TNRC6A: variants seen among roughly 807,000 people sequenced by gnomAD.
TNRC6A encodes trinucleotide repeat-containing gene 6A protein.
TNRC6A carries 44 observed loss-of-function variants against 221.2 expected under a neutral mutation model. The ratio of observed to expected loss-of-function variants is 0.20; its 90% confidence interval spans 0.16 to 0.26. TNRC6A has a LOEUF of 0.26. TNRC6A is among the 10% of genes least tolerant of loss of function. TNRC6A has a pLI of 1.00. For synonymous variants in TNRC6A, 847 were observed against 838.5 expected, an observed-to-expected ratio of 1.01 and a Z score of -0.18; for missense variants, 2,199 against 2,404.4, an observed-to-expected ratio of 0.91 and a Z score of 1.79.
chr16:24,820,262 C>G lies in TNRC6A; in HGVS notation c.5204C>G (p.Pro1735Arg). 6.2e-7 allele frequency: 1 copy of G among 1,614,132 alleles called. No homozygotes were observed. Among genetic ancestry groups the G allele is most frequent in the Non-Finnish European group, 8.5e-7 (1 of 1,180,036 alleles). The change falls in exon 22 of 25, where the codon CCG (proline) becomes CGG (arginine). Residue 1735 changes from proline (P) to arginine (R), a missense_variant. Coordinates refer to ENST00000395799, the MANE Select transcript of TNRC6A (RefSeq NM_014494.4). ...KNITAPSRPPPGLTGQKPPLS... is the reference protein window; with the variant it reads ...KNITAPSRPPRGLTGQKPPLS... Reference sequence around the variant, plus strand: ...ATCACTGCTCCGTCCCGCCCACCTCCGGGACTGACTGGTCAGAAGCCACCC... The same window carrying G: ...ATCACTGCTCCGTCCCGCCCACCTCGGGGACTGACTGGTCAGAAGCCACCC...
chr16:24,820,870 A>G (rs2058753158), intron 22 of TNRC6A, among the ~76,000 whole-genome samples: 2 of 152,134 alleles, frequency 1.3e-5, no homozygotes, highest in Admixed American at 1.3e-4. Flanking sequence ...TACTGGCATC[A>G]TTTCCTGCCT....
At chr16:24,614,258 G>A (rs1168370651) in intron 1 of TNRC6A, among the ~76,000 whole-genome samples, 2 of 152,218 alleles carry the variant, frequency 1.3e-5, no homozygotes, top group East Asian at 1.9e-4. Flanking sequence ...TCAAGCATTT[G>A]CTTGCATCGT....
intron 2 of TNRC6A, among the ~76,000 whole-genome samples, chr16:24,696,297 C>G (rs1384201163): frequency 6.8e-6 from 1 of 147,276 alleles, no homozygotes; most frequent in Non-Finnish European, 1.5e-5. Flanking sequence ...GCAGTGAGCC[C>G]AGATCGCGCC....
chr16:24,814,398 CTTT>C (rs889327247), intron 18 of TNRC6A, among the ~76,000 whole-genome samples: 2 of 80,286 alleles, frequency 2.5e-5, no homozygotes, highest in African/African-American at 5.6e-5. Context: ...TTTTTCTTTT[CTTT>C]TTTTTTTCTT....
At chr16:24,713,324 A>G (rs962336434) in intron 2 of TNRC6A, among the ~76,000 whole-genome samples, 7 of 152,062 alleles carry the variant, frequency 4.6e-5, no homozygotes, top group Non-Finnish European at 5.9e-5. Context: ...CAACTGAAGC[A>G]CAAGAATTGC....
chr16:24,725,733 G>T (rs1452526049), upstream of TNRC6A, among the ~76,000 whole-genome samples: 1 of 151,902 alleles, frequency 6.6e-6, no homozygotes, highest in Non-Finnish European at 1.5e-5. Context: ...GCCAGGCACG[G>T]TGGCTCATGC....
chr16:24,823,717 C>A lies in TNRC6A; in HGVS notation c.5799C>A (p.Ser1933Arg). ...HYSTSLWGPPSSSDPRGISSP... is the reference protein window; with the variant it reads ...HYSTSLWGPPRSSDPRGISSP... ...CCACAAGCCTGTGGGGTCCCCCAAG[C>A]AGCAGCGACCCCCGAGGAATTAGCA... The change falls in exon 25 of 25, where the codon AGC (serine) becomes AGA (arginine). Residue 1933 changes from serine to arginine, a missense_variant. By Grantham distance (110) the Ser-to-Arg change is moderately radical. Coordinates refer to ENST00000395799, the MANE Select transcript of TNRC6A (RefSeq NM_014494.4). This position sits in a 1 kb window ranked among gnomAD's most constrained non-coding sequence, Gnocchi z 4.3. The A allele has an allele frequency of 6.4e-7, 1 of 1,556,444 alleles. No individual in the cohort carries two copies.
Position 24,612,703 on chromosome 16 carries a change from C to T in TNRC6A, n.276+2219C>T, listed in dbSNP as rs141289811. Among the ~76,000 whole-genome samples the T allele has an allele frequency of 6.9e-3, 1,051 of 151,922 alleles. 20 individuals carry two copies. The highest frequency in any genetic ancestry group is 0.024 in the African/African-American group (1,004 of 41,452). On this transcript the variant is annotated intron_variant and non_coding_transcript_variant, in intron 1 of 2. Transcript: ENST00000566108. ...TCGAGGCTGCAGTGAGCCATGATTGCGCCACTGCACTCAGCCTGGGTGACA... is the reference window on the plus strand; with the variant it reads ...TCGAGGCTGCAGTGAGCCATGATTGTGCCACTGCACTCAGCCTGGGTGACA...
intron 2 of TNRC6A, among the ~76,000 whole-genome samples, chr16:24,660,027 G>A (rs2054995879): frequency 6.6e-6 from 1 of 151,388 alleles, no homozygotes; most frequent in African/African-American, 2.4e-5. Context: ...GGTGTCTGTT[G>A]GAAGCTGATG....
intron 2 of TNRC6A, among the ~76,000 whole-genome samples, chr16:24,669,775 TAGTAGTAAG>T (rs986084453): frequency 6.6e-6 from 1 of 151,792 alleles, no homozygotes; most frequent in African/African-American, 2.4e-5. Context: ...GTACTTGTTT[TAGTAGTAAG>T]AGTAGTAATA....
intron 2 of TNRC6A, among the ~76,000 whole-genome samples, chr16:24,664,289 C>A (rs909073491): frequency 1.9e-4 from 29 of 151,598 alleles, no homozygotes; most frequent in African/African-American, 5.6e-4. Flanking sequence ...TGAGATCATG[C>A]CACTGCACTC....
chr16:24,801,841 T>C (rs754904626), intron 11 of TNRC6A, among the ~76,000 whole-genome samples: 9 of 152,176 alleles, frequency 5.9e-5, no homozygotes, highest in Non-Finnish European at 1.3e-4. Context: ...AGGAACAGCT[T>C]GGAGAGAGAG....
chr16:24,731,244 A>G (rs111391339), intron 2 of TNRC6A, among the ~76,000 whole-genome samples: 30 of 151,386 alleles, frequency 2.0e-4, no homozygotes, highest in African/African-American at 6.8e-4. Context: ...AATTTCTCCT[A>G]TCTCAGGTTT....
At chr16:24,735,979 A>G (rs1451388350) in intron 2 of TNRC6A, among the ~76,000 whole-genome samples, 13 of 152,202 alleles carry the variant, frequency 8.5e-5, no homozygotes, top group Admixed American at 8.5e-4. Flanking sequence ...AGCCTGACCA[A>G]CATGGTGAAA....
At chr16:24,617,276 T>A (rs555177544) in intron 1 of TNRC6A, among the ~76,000 whole-genome samples, 1 of 152,144 alleles carries the variant, frequency 6.6e-6, no homozygotes, top group Non-Finnish European at 1.5e-5. Context: ...CAGGTGTATG[T>A]CACCACACTT....
At chr16:24,651,667 T>G (rs892464840) in intron 2 of TNRC6A, among the ~76,000 whole-genome samples, 1 of 150,378 alleles carries the variant, frequency 6.6e-6, no homozygotes, top group African/African-American at 2.4e-5. Flanking sequence ...GAGACCAGCC[T>G]GGGCAACATA....
chr16:24,787,652 C>T (rs1567472873), intron 5 of TNRC6A, among the ~76,000 whole-genome samples: 1 of 152,096 alleles, frequency 6.6e-6, no homozygotes, highest in Non-Finnish European at 1.5e-5. Flanking sequence ...AGAAATGATT[C>T]TTAAACAGGG....
At chr16:24,619,311 T>C (rs1363856936) in intron 1 of TNRC6A, among the ~76,000 whole-genome samples, 1 of 152,226 alleles carries the variant, frequency 6.6e-6, no homozygotes. Context: ...AGAGAATGTA[T>C]TCTCTTTGTG....
intron 4 of TNRC6A, among the ~76,000 whole-genome samples, chr16:24,761,499 C>G (rs1425484879): frequency 6.6e-6 from 1 of 151,816 alleles, no homozygotes; most frequent in Non-Finnish European, 1.5e-5. Flanking sequence ...TCCTTGGGAA[C>G]TTGGTTGAGA....
Sources: gnomAD v4.1 joint callset for allele counts (sites outside exome capture counted in the v4.1 genomes callset) on GRCh38, gnomAD v4.1.1 for gene constraint, Gnocchi (gnomAD v3.1) non-coding constraint, MANE v1.5 for transcripts, NCBI Gene and HGNC (gene_info 2026-07-23, HGNC 2026-07-21) for gene names.